BTG4: variants seen among roughly 807,000 people sequenced by gnomAD.
BTG4 encodes BTG anti-proliferation factor 4.
In BTG4, 10 loss-of-function variants were observed where a neutral mutation model predicts 19.3. The observed-to-expected ratio is 0.52, with a 90% CI of 0.32 to 0.88. The LOEUF (loss-of-function observed/expected upper bound fraction) is 0.88, where lower values mean the gene tolerates loss of function less well. Ranked by LOEUF, BTG4 falls within the 40% of genes least tolerant of loss-of-function variation. BTG4 has a pLI of 0.04. For missense variants in BTG4, 238 were observed against 281.9 expected, an observed-to-expected ratio of 0.84 and a Z score of 1.11; for synonymous variants, 91 against 95.7, an observed-to-expected ratio of 0.95 and a Z score of 0.29.
chr11:111,478,392 G>A (rs1371312609), intron 5 of BTG4, among the ~76,000 whole-genome samples: 1 of 152,112 alleles, frequency 6.6e-6, no homozygotes, highest in African/African-American at 2.4e-5. Context: ...AAGGAAACCA[G>A]TTGAAACAAA....
chr11:111,431,284 CT>C, the BTG4 span, among the ~76,000 whole-genome samples: 3 of 152,118 alleles, frequency 2.0e-5, no homozygotes, highest in Non-Finnish European at 4.4e-5. Flanking sequence ...TGATAACTCC[CT>C]TTTTTGGAGC....
At chr11:111,404,785 G>A in the BTG4 span, 1 of 408,014 alleles carries the variant, frequency 2.5e-6, no homozygotes, top group Non-Finnish European at 4.9e-6. Flanking sequence ...TTGATATAAA[G>A]ACCAGGAACT....
At chr11:111,421,982 G>A in the BTG4 span, among the ~76,000 whole-genome samples, 4,473 of 151,978 alleles carry the variant, frequency 0.029, 96 homozygotes, top group Middle Eastern at 0.13. Flanking sequence ...CCAAGCTCAC[G>A]GGAATCAAAA....
At chr11:111,415,672 G>T in the BTG4 span, among the ~76,000 whole-genome samples, 1 of 152,168 alleles carries the variant, frequency 6.6e-6, no homozygotes, top group African/African-American at 2.4e-5. Flanking sequence ...AGCTGGGAGG[G>T]GAAGACATGG....
chr11:111,491,662 G>A (rs1401754817), downstream of BTG4, among the ~76,000 whole-genome samples: 1 of 150,974 alleles, frequency 6.6e-6, no homozygotes, highest in African/African-American at 2.4e-5. Flanking sequence ...CTCAAGCCAG[G>A]GAGTCAAGGC....
chr11:111,449,889 G>A, the BTG4 span: 1 of 152,302 alleles, frequency 6.6e-6, no homozygotes, highest in Admixed American at 6.5e-5. Flanking sequence ...GAAGGCATGG[G>A]GAGTCAGGTA....
At chr11:111,395,444 C>T in the BTG4 span, among the ~76,000 whole-genome samples, 2 of 152,380 alleles carry the variant, frequency 1.3e-5, no homozygotes, top group African/African-American at 2.4e-5. Context: ...AGAGTATGTA[C>T]ACACTGAGCA....
the BTG4 span, among the ~76,000 whole-genome samples, chr11:111,420,598 C>A: frequency 2.0e-5 from 3 of 152,202 alleles, no homozygotes; most frequent in South Asian, 2.1e-4. Context: ...AGCTACTTTG[C>A]CCACCTGTGG....
the BTG4 span, among the ~76,000 whole-genome samples, chr11:111,447,690 G>A: frequency 9.9e-5 from 15 of 152,272 alleles, no homozygotes; most frequent in South Asian, 2.3e-3. Context: ...GAAGGTTCCC[G>A]GAAGACAGGG....
intron 5 of BTG4, among the ~76,000 whole-genome samples, chr11:111,473,146 C>T (rs937062241): frequency 6.6e-6 from 1 of 151,532 alleles, no homozygotes; most frequent in Non-Finnish European, 1.5e-5. Context: ...AATGTTAGTC[C>T]TCTGCTAACC....
the BTG4 span, among the ~76,000 whole-genome samples, chr11:111,428,897 A>G: frequency 6.6e-6 from 1 of 152,216 alleles, no homozygotes; most frequent in African/African-American, 2.4e-5. Context: ...AAGGCCAGTG[A>G]TAGACCGCTA....
At chr11:111,391,858 T>C in the BTG4 span, among the ~76,000 whole-genome samples, 1 of 152,122 alleles carries the variant, frequency 6.6e-6, no homozygotes, top group African/African-American at 2.4e-5. Flanking sequence ...TTTCTAACAA[T>C]TGTTTCAGCA....
downstream of BTG4, among the ~76,000 whole-genome samples, chr11:111,493,127 C>A (rs552468480): frequency 6.6e-6 from 1 of 152,242 alleles, no homozygotes; most frequent in African/African-American, 2.4e-5. Context: ...GCCTGGGCAA[C>A]AAAGTGAGAC....
At chr11:111,513,105 G>T (rs546438348), upstream of BTG4, 54 of 425,282 alleles carry the variant, frequency 1.3e-4, no homozygotes, top group Non-Finnish European at 2.4e-4. Context: ...GAAGCGCGGC[G>T]TCGGCGTGGG....
chr11:111,388,054 T>C, the BTG4 span, among the ~76,000 whole-genome samples: 1 of 152,320 alleles, frequency 6.6e-6, no homozygotes, highest in Non-Finnish European at 1.5e-5. Flanking sequence ...AGCACAAACT[T>C]TGTGCTGGAA....
intron 3 of BTG4, 27 bp from the exon 4 acceptor site, chr11:111,497,436 T>C (rs756203364): frequency 5.2e-6 from 7 of 1,334,068 alleles, no homozygotes; most frequent in South Asian, 2.2e-5. Flanking sequence ...ATTTAAGTGC[T>C]AATTAGCGAT....
At chr11:111,500,794 G>A (rs1866026675) in intron 1 of BTG4, among the ~76,000 whole-genome samples, 1 of 151,976 alleles carries the variant, frequency 6.6e-6, no homozygotes, top group Non-Finnish European at 1.5e-5. Context: ...AACCTCAGGT[G>A]GCTTTTACCT....
At chr11:111,503,686 A>G (rs1056257850) in intron 1 of BTG4, among the ~76,000 whole-genome samples, 14 of 152,184 alleles carry the variant, frequency 9.2e-5, no homozygotes, top group African/African-American at 3.1e-4. Context: ...GCAGTGAAGC[A>G]ACATACACAT....
the BTG4 span, among the ~76,000 whole-genome samples, chr11:111,432,413 G>A: frequency 6.6e-6 from 1 of 152,184 alleles, no homozygotes; most frequent in African/African-American, 2.4e-5. Context: ...GGAAGTCGAG[G>A]TGGGTAGATC....
Sources: allele counts gnomAD v4.1 joint callset (sites outside exome capture counted in the v4.1 genomes callset), GRCh38; gene constraint gnomAD v4.1.1; transcripts MANE v1.5; gene names NCBI Gene and HGNC (gene_info 2026-07-23, HGNC 2026-07-21).